The following KMT2E variants were observed in gnomAD, a reference collection of about 807,000 sequenced individuals.
KMT2E encodes the protein lysine methyltransferase 2E (inactive).
KMT2E carries 30 observed loss-of-function variants against 184.6 expected under a neutral mutation model. The observed-to-expected ratio is 0.16, with a 90% CI of 0.12 to 0.22. The LOEUF is 0.22. Among genes scored for constraint, KMT2E ranks in the 10% least tolerant of loss-of-function variants. The pLI is 1.00. For missense variants in KMT2E, 2,023 were observed against 2,237.4 expected, an observed-to-expected ratio of 0.90 and a Z score of 1.93; for synonymous variants, 815 against 776.5, an observed-to-expected ratio of 1.05 and a Z score of -0.82.
chr7:105,062,418 T>C lies in KMT2E; in HGVS notation c.186+140T>C, dbSNP rs118029297. The C allele has an allele frequency of 2.8e-3, 1,499 of 543,194 alleles. 43 individuals carry two copies. The East Asian group carries it at 0.04, about 15-fold the overall frequency. The allele number at this position is 543,194 out of a possible 1,614,324, so 33.6% of individuals were successfully genotyped here. A position where few individuals can be genotyped will look rare whatever the true frequency, so the allele number is the denominator to read the frequency against. ...TCAAAATAATTAGGCGTTTAATTTT[T>C]CATTAACCATTAAGCGATTAAAGTT... is the stretch of plus-strand genomic sequence containing the variant. On this transcript the variant is annotated intron_variant, in intron 4 of 26. Transcript: ENST00000311117.
chr7:105,043,004 T>C (rs993630530), intron 3 of KMT2E, among the ~76,000 whole-genome samples: 13 of 152,198 alleles, frequency 8.5e-5, no homozygotes, highest in African/African-American at 3.1e-4. Context: ...AGATCTAAGA[T>C]GCTGGTATGA....
chr7:105,061,139 G>A (rs1796798950), intron 3 of KMT2E, among the ~76,000 whole-genome samples: 1 of 151,754 alleles, frequency 6.6e-6, no homozygotes. Context: ...GAGCTAAATT[G>A]AGACTTCGTG....
rs754667544 is a variant in KMT2E, at chr7:105,109,076, C to A, written c.3603C>A (p.Ser1201Arg). 1.4e-5 allele frequency: 22 copies of A among 1,614,062 alleles called. No individual in the cohort carries two copies. The highest frequency in any genetic ancestry group is 1.9e-5 in the Non-Finnish European group (22 of 1,180,040). ...GCAACAATGGTGATGGCTGTGCCAG[C>A]AGTAATGACAATGGGGAGCAGGTGG... ...SLSNNGDGCASSNDNGEQVDH... is the reference protein window; with the variant it reads ...SLSNNGDGCARSNDNGEQVDH... The change falls in exon 23 of 27, where the codon AGC becomes AGA. Residue 1201 changes from serine to arginine, a missense_variant. Physicochemically the swap from Ser to Arg is moderately radical, Grantham distance 110. This residue lies in a region of KMT2E where 1,108 missense variants were observed against 1,050.9 expected (regional missense o/e 1.05). Coordinates refer to ENST00000311117, the MANE Select transcript of KMT2E (RefSeq NM_182931.3).
chr7:105,107,555 C>G lies in KMT2E; in HGVS notation c.3098C>G (p.Thr1033Ser), dbSNP rs756014241. Reference protein sequence around the residue: ...LQLGLDAVEPTALHKTLETPA... With the variant: ...LQLGLDAVEPSALHKTLETPA... Reference sequence around the variant, plus strand: ...CTAGGACTCGATGCAGTTGAGCCAACTGCCCTACATAAAACCCTGGAAACG... The same window carrying G: ...CTAGGACTCGATGCAGTTGAGCCAAGTGCCCTACATAAAACCCTGGAAACG... Residue 1033 changes from threonine to serine, a missense_variant, in exon 22 of 27, where the codon ACT (threonine) becomes AGT (serine). By Grantham distance (58) the Thr-to-Ser change is moderately conservative. Coordinates refer to ENST00000311117, the MANE Select transcript of KMT2E (RefSeq NM_182931.3). 5.0e-6 allele frequency: 8 copies of G among 1,613,994 alleles called. No homozygotes were observed. The East Asian group carries it at 1.3e-4, about 27-fold the overall frequency.
chr7:105,037,210 A>T, intron 1 of KMT2E, among the ~76,000 whole-genome samples: 1 of 152,218 alleles, frequency 6.6e-6, no homozygotes, highest in Non-Finnish European at 1.5e-5. Context: ...CTTATAAAGG[A>T]CAGAAATATA....
chr7:105,107,697 G>C lies in KMT2E; in HGVS notation c.3240G>C (p.Val1080=). 1 of 1,614,064 alleles carries C rather than the reference G, an allele frequency of 6.2e-7. No homozygotes were observed. Residue 1080 remains valine (V), a synonymous_variant, in exon 22 of 27, where the codon GTG becomes GTC. Transcript: ENST00000311117. ...ACAGAACAGGAGTTAACTTCTCAGTGAACTCCAACTTGAGGGACCTGACAC... is the reference window on the plus strand; with the variant it reads ...ACAGAACAGGAGTTAACTTCTCAGTCAACTCCAACTTGAGGGACCTGACAC... ...SPDRTGVNFS[V]NSNLRDLTPS...
intron 13 of KMT2E, chr7:105,089,450 T>G (rs1798114292): frequency 1.9e-5 from 4 of 214,404 alleles, no homozygotes; most frequent in Non-Finnish European, 3.8e-5. Flanking sequence ...CTCCCAAAGT[T>G]CTGGGATTAC....
Position 105,114,983 on chromosome 7 carries a change from G to GTAAC in KMT2E, c.*1653_*1656dup, listed in dbSNP as rs1364232238. On this transcript the variant is annotated 3_prime_UTR_variant, in exon 27 of 27. Coordinates refer to ENST00000311117, the MANE Select transcript of KMT2E (RefSeq NM_182931.3). ...CCTGATAGTTTCAAACAGAATAAAG[G>GTAAC]TAACTAGCATGTGAAATAAAAATAT... Among the ~76,000 whole-genome samples, 3 of 152,270 alleles carry GTAAC rather than the reference G, an allele frequency of 2.0e-5. No homozygotes were observed. The highest frequency in any genetic ancestry group is 2.1e-4 in the South Asian group (1 of 4,816).
chr7:105,021,739 A>C lies in KMT2E; in HGVS notation c.-189+7204A>C, dbSNP rs1251736683. On this transcript the variant is annotated intron_variant, in intron 1 of 26. Coordinates refer to ENST00000311117, the MANE Select transcript of KMT2E (RefSeq NM_182931.3). ...AGACACGTTTAATTCTCCTGAAAAC[A>C]ATTACCTTTTTCCAGGAATGTTCAA... 3.9e-5 allele frequency among the ~76,000 whole-genome samples: 6 copies of C among 152,140 alleles called. No individual in the cohort carries two copies. The East Asian group carries it at 1.2e-3, about 29-fold the overall frequency.
At chr7:105,023,419 AAAAG>A (rs1365978360) in intron 1 of KMT2E, among the ~76,000 whole-genome samples, 34 of 150,704 alleles carry the variant, frequency 2.3e-4, no homozygotes, top group East Asian at 1.6e-3. Context: ...AAAAAAAAAA[AAAAG>A]AGAGACAAAA....
chr7:105,094,872 G>A (rs1040490246), intron 15 of KMT2E, among the ~76,000 whole-genome samples: 2 of 152,060 alleles, frequency 1.3e-5, no homozygotes, highest in Admixed American at 1.3e-4. Context: ...GTATATATAG[G>A]GTTCAGTACT....
At position 105,105,656 on chromosome 7, in the gene KMT2E, A is replaced by G; in HGVS notation, c.2414A>G (p.Lys805Arg). 6.2e-7 allele frequency: 1 copy of G among 1,607,060 alleles called. No individual in the cohort carries two copies. ...SPFLSEKRRR[K>R]EPTENISGSC... ...TTCCTTTCAGAAAAAAGGAGAAGAA[A>G]AGAACCTACTGAAAACATTTCTGGT... Residue 805 changes from lysine to arginine, a missense_variant, in exon 18 of 27, where the codon AAA becomes AGA. Around this residue, in one of 8 missense-constraint regions of KMT2E, gnomAD observed 514 missense variants for 621.8 expected, o/e 0.83. Coordinates refer to ENST00000311117, the MANE Select transcript of KMT2E (RefSeq NM_182931.3).
At chr7:105,052,172 T>G (rs1355498109) in intron 3 of KMT2E, among the ~76,000 whole-genome samples, 5 of 152,230 alleles carry the variant, frequency 3.3e-5, no homozygotes, top group Non-Finnish European at 7.3e-5. Flanking sequence ...CACTATTCTC[T>G]TATCTCACTA....
intron 3 of KMT2E, among the ~76,000 whole-genome samples, chr7:105,049,803 AT>A (rs1796255656): frequency 6.6e-6 from 1 of 152,114 alleles, no homozygotes; most frequent in Non-Finnish European, 1.5e-5. Flanking sequence ...ACGCAGGAGA[AT>A]TGCTTGAACT....
intron 13 of KMT2E, chr7:105,089,276 G>A: frequency 2.4e-6 from 1 of 424,256 alleles, no homozygotes; most frequent in South Asian, 1.6e-5. Context: ...TTGGCTCACT[G>A]CAACTTCTGC....
intron 2 of KMT2E, among the ~76,000 whole-genome samples, chr7:105,039,859 G>A (rs1368918775): frequency 1.3e-5 from 2 of 151,986 alleles, no homozygotes; most frequent in African/African-American, 4.8e-5. Flanking sequence ...TTGTTCCTGA[G>A]TTGCACCTGT....
At chr7:105,035,768 A>C (rs1217588584) in intron 1 of KMT2E, among the ~76,000 whole-genome samples, 1 of 151,864 alleles carries the variant, frequency 6.6e-6, no homozygotes, top group Non-Finnish European at 1.5e-5. Flanking sequence ...CATGTTGGCC[A>C]GGCTGGTCTC....
intron 1 of KMT2E, among the ~76,000 whole-genome samples, chr7:105,027,607 G>A (rs941158542): frequency 6.6e-6 from 1 of 152,132 alleles, no homozygotes. Flanking sequence ...TGTGTAAAGT[G>A]CACAGACATT....
At chr7:105,051,927 T>A (rs1796367574) in intron 3 of KMT2E, among the ~76,000 whole-genome samples, 1 of 152,204 alleles carries the variant, frequency 6.6e-6, no homozygotes, top group African/African-American at 2.4e-5. Flanking sequence ...TATCCATTTC[T>A]ACTGTTGTCC....
Sources: allele counts gnomAD v4.1 joint callset (sites outside exome capture counted in the v4.1 genomes callset), GRCh38; gene constraint gnomAD v4.1.1; regional missense constraint gnomAD v4.1.1; transcripts MANE v1.5; gene names NCBI Gene and HGNC (gene_info 2026-07-23, HGNC 2026-07-21).